Variants in EEF2K observed in about 807,000 individuals in gnomAD.
EEF2K encodes the protein alternative protein EEF2K.
EEF2K carries 70 observed loss-of-function variants against 93.8 expected under a neutral mutation model. The ratio of observed to expected loss-of-function variants is 0.75; its 90% CI spans 0.62 to 0.91. The LOEUF is 0.91. Among genes scored for constraint, EEF2K ranks in the 40% least tolerant of loss-of-function variants. EEF2K has a pLI of 0.00. For synonymous variants in EEF2K, 376 were observed against 380.8 expected (o/e 0.99, Z 0.15); for missense variants, 935 against 972.9 (o/e 0.96, Z 0.52).
At position 22,255,377 on chromosome 16, in the gene EEF2K, G is replaced by A. The variant is rs146421449; in HGVS notation, c.619-1371G>A. On this transcript the variant is annotated intron_variant, in intron 6 of 17. Coordinates refer to ENST00000263026, the MANE Select transcript of EEF2K (RefSeq NM_013302.5). ...CTCCTTGAAGCCATCTAGAGAACTC[G>A]TTCCTTTGGTCTTTTTTCTCTGCCA... Among the ~76,000 whole-genome samples the A allele has an allele frequency of 2.7e-3, 410 of 152,292 alleles. 3 individuals are homozygous for A. The highest frequency in any genetic ancestry group is 9.0e-3 in the African/African-American group (373 of 41,558).
At position 22,286,065 on chromosome 16, in the gene EEF2K, C is replaced by G. The variant is rs573047388; in HGVS notation, c.*2069C>G. 1.3e-5 allele frequency: 2 copies of G among 152,206 alleles called. No individual in the cohort carries two copies. Among genetic ancestry groups the G allele is most frequent in the African/African-American group, 4.8e-5 (2 of 41,530 alleles). 9.4% of individuals were successfully genotyped at this position (152,206 alleles called of 1,614,324 possible). A position where few individuals can be genotyped will look rare whatever the true frequency, so the allele number is the denominator to read the frequency against. On this transcript the variant is annotated 3_prime_UTR_variant, in exon 18 of 18. Transcript: ENST00000263026. ...TTAGTTCCAAAGTTCAGTGTGTACCCTTAAATGAACAATGAAGCAGGTAAA... is the reference window on the plus strand; with the variant it reads ...TTAGTTCCAAAGTTCAGTGTGTACCGTTAAATGAACAATGAAGCAGGTAAA...
At chr16:22,271,737 A>T (rs922215417) in intron 15 of EEF2K, among the ~76,000 whole-genome samples, 1 of 152,162 alleles carries the variant, frequency 6.6e-6, no homozygotes, top group Non-Finnish European at 1.5e-5. Context: ...AATATGTGGT[A>T]TATGGTTTAC....
chr16:22,281,831 A>T (rs2047696500), intron 17 of EEF2K, among the ~76,000 whole-genome samples: 1 of 152,188 alleles, frequency 6.6e-6, no homozygotes, highest in Non-Finnish European at 1.5e-5. Context: ...ATTACTACAT[A>T]ATATTCCATT....
At chr16:22,260,741 C>G (rs1401155446) in intron 11 of EEF2K, among the ~76,000 whole-genome samples, 3 of 152,216 alleles carry the variant, frequency 2.0e-5, no homozygotes, top group Non-Finnish European at 2.9e-5. Flanking sequence ...GGGTCCCTTG[C>G]AGTTCCCAGA....
At chr16:22,208,669 G>A (rs1026384344) in intron 1 of EEF2K, among the ~76,000 whole-genome samples, 1 of 152,096 alleles carries the variant, frequency 6.6e-6, no homozygotes, top group Non-Finnish European at 1.5e-5. Context: ...GGGTGCTGAG[G>A]CGGGAGGATT....
At chr16:22,241,342 A>G (rs968137178) in intron 2 of EEF2K, among the ~76,000 whole-genome samples, 3 of 152,104 alleles carry the variant, frequency 2.0e-5, no homozygotes, top group South Asian at 4.1e-4. Context: ...TATGATACCA[A>G]TCTTATTAAA....
chr16:22,207,457 A>T (rs2046874282), intron 1 of EEF2K, among the ~76,000 whole-genome samples: 1 of 152,118 alleles, frequency 6.6e-6, no homozygotes, highest in African/African-American at 2.4e-5. Context: ...TAGCTCATTT[A>T]TGCTCTCTGG....
intron 10 of EEF2K, 161 bp downstream of exon 10, chr16:22,258,856 C>A: frequency 1.1e-6 from 1 of 880,976 alleles, no homozygotes; most frequent in Non-Finnish European, 1.7e-6. Flanking sequence ...ACTTTCAAAA[C>A]AGATCATCCA....
At chr16:22,260,697 C>T (rs1213531068) in intron 11 of EEF2K, among the ~76,000 whole-genome samples, 168 bp downstream of exon 11, 1 of 152,200 alleles carries the variant, frequency 6.6e-6, no homozygotes, top group Non-Finnish European at 1.5e-5. Context: ...TGTCAGCCTC[C>T]AGTCCAAGGC....
chr16:22,251,170 T>C lies in EEF2K; in HGVS notation c.466T>C (p.Leu156=). ...CCACAGGAAGAAGCTCTCCAACTTC[T>C]TGCATGCCCAGCAGTGGAAGGGCGC... ...CFRTKKLSNF[L]HAQQWKGASN... The change falls in exon 6 of 18, where the codon TTG becomes CTG. Residue 156 remains leucine, a synonymous_variant. Coordinates refer to ENST00000263026, the MANE Select transcript of EEF2K (RefSeq NM_013302.5). The C allele has an allele frequency of 6.8e-6, 11 of 1,613,928 alleles. No individual in the cohort carries two copies. Among genetic ancestry groups the C allele is most frequent in the Non-Finnish European group, 9.3e-6 (11 of 1,179,904 alleles).
intron 2 of EEF2K, among the ~76,000 whole-genome samples, chr16:22,237,029 C>T (rs1350866221): frequency 6.8e-6 from 1 of 147,462 alleles, no homozygotes; most frequent in Non-Finnish European, 1.5e-5. Context: ...ATTGCAACCT[C>T]CACCTCCTGG....
intron 17 of EEF2K, among the ~76,000 whole-genome samples, chr16:22,280,969 T>G (rs568825848): frequency 6.6e-6 from 1 of 150,658 alleles, no homozygotes; most frequent in East Asian, 2.0e-4. Context: ...GCCCAGAGTT[T>G]CACTCTTGTA....
At chr16:22,207,111 T>C (rs981191439) in intron 1 of EEF2K, among the ~76,000 whole-genome samples, 1 of 152,142 alleles carries the variant, frequency 6.6e-6, no homozygotes, top group African/African-American at 2.4e-5. Context: ...CCTCCAGGAC[T>C]GTATAGACGC....
chr16:22,260,744 T>A (rs1409336830), intron 11 of EEF2K, among the ~76,000 whole-genome samples: 2 of 152,200 alleles, frequency 1.3e-5, no homozygotes, highest in African/African-American at 4.8e-5. Context: ...TCCCTTGCAG[T>A]TCCCAGAGAT....
At position 22,280,203 on chromosome 16, in the gene EEF2K, A is replaced by G; in HGVS notation, c.1895A>G (p.Gln632Arg). 6.7e-7 allele frequency: 1 copy of G among 1,502,962 alleles called. No individual in the cohort carries two copies. The highest frequency in any genetic ancestry group is 1.3e-5 in the South Asian group (1 of 74,718). 93.1% of individuals were successfully genotyped at this position (1,502,962 alleles called of 1,614,324 possible). The change falls in exon 17 of 18, where the codon CAA becomes CGA. Residue 632 changes from glutamine to arginine, a missense_variant. Coordinates refer to ENST00000263026, the MANE Select transcript of EEF2K (RefSeq NM_013302.5). ...SGQNLSPDRC[Q>R]DWLEALHWYN... ...CCTCTGTATCTCCTGGCAAGGTGCCAAGACTGGCTAGAGGCCCTGCACTGG... is the reference window on the plus strand; with the variant it reads ...CCTCTGTATCTCCTGGCAAGGTGCCGAGACTGGCTAGAGGCCCTGCACTGG...
At chr16:22,220,477 G>T (rs1233432844) in intron 1 of EEF2K, among the ~76,000 whole-genome samples, 3 of 151,828 alleles carry the variant, frequency 2.0e-5, no homozygotes. Flanking sequence ...TTGAGATGAG[G>T]TCTTGCTCTG....
At chr16:22,276,779 C>T (rs1301352400) in intron 16 of EEF2K, among the ~76,000 whole-genome samples, 3 of 152,132 alleles carry the variant, frequency 2.0e-5, no homozygotes, top group African/African-American at 7.2e-5. Context: ...TAAAACCGAG[C>T]CCAGCATGGT....
rs200803709 is a variant in EEF2K, at chr16:22,273,785, A to G, written c.1889+35A>G. ...CTGTCACCCAGGAGGAGCTGGTAGG[A>G]ACCTGGGCTGCAGGTGGGCGCTTGT... On this transcript the variant is annotated intron_variant, in intron 16 of 17. Transcript: ENST00000263026. 1.2e-4 allele frequency: 199 copies of G among 1,607,086 alleles called. No homozygotes were observed. In the East Asian group the frequency reaches 3.4e-3, roughly 27 times the overall value.
intron 15 of EEF2K, among the ~76,000 whole-genome samples, chr16:22,269,588 G>A (rs1408886068): frequency 1.3e-5 from 2 of 151,866 alleles, no homozygotes; most frequent in Non-Finnish European, 2.9e-5. Flanking sequence ...TTTTAGTGGA[G>A]ATGGGGTTTC....
Sources: allele counts gnomAD v4.1 joint callset (sites outside exome capture counted in the v4.1 genomes callset), GRCh38; gene constraint gnomAD v4.1.1; transcripts MANE v1.5; gene names NCBI Gene and HGNC (gene_info 2026-07-23, HGNC 2026-07-21).